Variants in METTL15 observed in about 807,000 individuals in gnomAD.
METTL15 encodes 12S rRNA N(4)-cytidine methyltransferase METTL15.
In METTL15, 34 loss-of-function variants were observed where a neutral mutation model predicts 38.3. The ratio of observed to expected loss-of-function variants is 0.89; its 90% CI spans 0.68 to 1.18. The LOEUF is 1.18. Among genes scored for constraint, METTL15 ranks in the 50% most tolerant of loss-of-function variants. The pLI, the probability that METTL15 is intolerant of heterozygous loss-of-function variation, is 0.00. For synonymous variants in METTL15, 162 were observed against 170.9 expected (o/e 0.95, Z 0.41); for missense variants, 438 against 498.4 (o/e 0.88, Z 1.15).
intron 3 of METTL15, among the ~76,000 whole-genome samples, chr11:28,140,068 G>T (rs1849647494): frequency 6.6e-6 from 1 of 152,168 alleles, no homozygotes; most frequent in African/African-American, 2.4e-5. Context: ...ACCCTAGCTG[G>T]GAGGGAAGCA....
chr11:28,111,698 C>T (rs1032052405), intron 2 of METTL15, among the ~76,000 whole-genome samples: 25 of 152,034 alleles, frequency 1.6e-4, no homozygotes, highest in Admixed American at 1.6e-3. Context: ...CTCTGTTTTC[C>T]CTGTCTATAA....
chr11:28,323,316 A>G (rs1050108727), intron 6 of METTL15, among the ~76,000 whole-genome samples: 1 of 152,046 alleles, frequency 6.6e-6, no homozygotes, highest in Non-Finnish European at 1.5e-5. Flanking sequence ...TACAGTCTCT[A>G]TTTTACCTGA....
Position 28,502,618 on chromosome 11 carries a change from T to C in METTL15, c.*425-23860T>C, listed in dbSNP as rs1274197463. 2.0e-5 allele frequency among the ~76,000 whole-genome samples: 3 copies of C among 152,256 alleles called. No individual in the cohort carries two copies. In the East Asian group the frequency reaches 5.8e-4, roughly 29 times the overall value. Reference sequence around the variant, plus strand: ...AACTGACATTTTCTTTGCATATTTTTATAAGATATGAATACAATTTTGGTT... The same window carrying C: ...AACTGACATTTTCTTTGCATATTTTCATAAGATATGAATACAATTTTGGTT... On this transcript the variant is annotated intron_variant and NMD_transcript_variant, in intron 6 of 7. Transcript: ENST00000532947.
chr11:28,430,664 A>C (rs1350095923), intron 6 of METTL15, among the ~76,000 whole-genome samples: 1 of 63,900 alleles, frequency 1.6e-5, no homozygotes, highest in African/African-American at 6.2e-5. Flanking sequence ...CTGCCCGGCC[A>C]CCCCTACTGG....
At chr11:28,223,414 C>A (rs1439392945) in intron 4 of METTL15, among the ~76,000 whole-genome samples, 1 of 151,906 alleles carries the variant, frequency 6.6e-6, no homozygotes, top group Non-Finnish European at 1.5e-5. Flanking sequence ...GTATTTGTGG[C>A]AATAATGGAT....
At chr11:28,412,898 T>A (rs1850741040) in intron 5 of METTL15, among the ~76,000 whole-genome samples, 1 of 152,030 alleles carries the variant, frequency 6.6e-6, no homozygotes, top group Non-Finnish European at 1.5e-5. Flanking sequence ...TAACTGCTCC[T>A]GTCACATATA....
At chr11:28,341,605 T>C (rs1238404821) in intron 3 of METTL15, among the ~76,000 whole-genome samples, 1 of 152,204 alleles carries the variant, frequency 6.6e-6, no homozygotes, top group Admixed American at 6.5e-5. Flanking sequence ...ACCTATTTTA[T>C]AAGGTGGGTG....
At chr11:28,440,525 C>G (rs1851025215) in intron 6 of METTL15, among the ~76,000 whole-genome samples, 1 of 152,098 alleles carries the variant, frequency 6.6e-6, no homozygotes, top group Non-Finnish European at 1.5e-5. Context: ...TCAAAGTCAC[C>G]TAATTGCTGC....
At chr11:28,337,912 C>A (rs940764548), downstream of METTL15, among the ~76,000 whole-genome samples, 6 of 152,066 alleles carry the variant, frequency 3.9e-5, no homozygotes, top group Non-Finnish European at 4.4e-5. Context: ...CCTGTACTTA[C>A]AATTAGAGCT....
chr11:28,395,231 TAA>T (rs1233271309), intron 5 of METTL15, among the ~76,000 whole-genome samples: 14 of 152,072 alleles, frequency 9.2e-5, no homozygotes, highest in African/African-American at 3.4e-4. Context: ...AGGTGCAGCA[TAA>T]GAGACTAGAT....
chr11:28,394,121 C>T (rs1850543745), intron 5 of METTL15, among the ~76,000 whole-genome samples: 1 of 151,736 alleles, frequency 6.6e-6, no homozygotes, highest in African/African-American at 2.4e-5. Flanking sequence ...CATGTTTTGT[C>T]CAAAGATTAA....
intron 5 of METTL15, among the ~76,000 whole-genome samples, chr11:28,391,562 T>C (rs181207156): frequency 0.018 from 2,689 of 151,892 alleles, 50 homozygotes; most frequent in African/African-American, 0.051. Flanking sequence ...TGACTTCAAA[T>C]TGTACTACAA....
intron 6 of METTL15, among the ~76,000 whole-genome samples, chr11:28,430,814 C>T (rs1379128388): frequency 2.1e-5 from 2 of 93,076 alleles, no homozygotes; most frequent in African/African-American, 3.8e-5. Flanking sequence ...AGTGAGGAGC[C>T]CCTCTGCCCG....
At chr11:28,137,511 A>G (rs1398882361) in intron 3 of METTL15, among the ~76,000 whole-genome samples, 1 of 152,216 alleles carries the variant, frequency 6.6e-6, no homozygotes, top group African/African-American at 2.4e-5. Context: ...TGCTAGGTGC[A>G]GATAAAGTCT....
intron 4 of METTL15, among the ~76,000 whole-genome samples, chr11:28,357,842 AT>A (rs1303065194): frequency 6.6e-6 from 1 of 152,060 alleles, no homozygotes; most frequent in Non-Finnish European, 1.5e-5. Context: ...GGCTCTGATC[AT>A]TTTTTTGTAG....
intron 3 of METTL15, among the ~76,000 whole-genome samples, chr11:28,148,627 A>G (rs1849971264): frequency 1.3e-5 from 2 of 152,032 alleles, no homozygotes; most frequent in South Asian, 4.1e-4. Context: ...GAACTTGTCT[A>G]AGTCTTTGGC....
chr11:28,388,581 TC>T (rs1055695745), intron 5 of METTL15, among the ~76,000 whole-genome samples: 1 of 152,170 alleles, frequency 6.6e-6, no homozygotes, highest in African/African-American at 2.4e-5. Flanking sequence ...GTAAAGACAT[TC>T]TGTGTTCATG....
At chr11:28,416,877 C>T (rs1352196693) in intron 5 of METTL15, among the ~76,000 whole-genome samples, 1 of 152,144 alleles carries the variant, frequency 6.6e-6, no homozygotes, top group Admixed American at 6.5e-5. Context: ...GTTTCTATTA[C>T]TTAGGAAGAC....
intron 3 of METTL15, among the ~76,000 whole-genome samples, chr11:28,131,382 G>T (rs560166874): frequency 2.0e-5 from 3 of 152,090 alleles, no homozygotes; most frequent in Admixed American, 2.0e-4. Flanking sequence ...TGGTAGCCTG[G>T]TTATGTTAAC....
Sources: allele counts gnomAD v4.1 joint callset (sites outside exome capture counted in the v4.1 genomes callset), GRCh38; gene constraint gnomAD v4.1.1; transcripts MANE v1.5; gene names NCBI Gene and HGNC (gene_info 2026-07-23, HGNC 2026-07-21).